Variants in PDK3 observed in about 807,000 individuals in gnomAD.
PDK3 encodes the protein pyruvate dehydrogenase kinase 3.
A neutral mutation model predicts 32.0 loss-of-function variants in PDK3; 12 were observed. The observed-to-expected ratio is 0.37, with a 90% CI of 0.24 to 0.61. PDK3 has a LOEUF of 0.61. PDK3 is among the 20% of genes least tolerant of loss of function. PDK3 has a pLI of 0.65. For missense variants in PDK3, 188 were observed against 316.9 expected (o/e 0.59, Z 3.09); for synonymous variants, 122 against 116.3 (o/e 1.05, Z -0.31).
At chrX:24,519,772 G>A (rs1922349726) in intron 6 of PDK3, among the ~76,000 whole-genome samples, 2 of 112,440 alleles carry the variant, frequency 1.8e-5, no homozygotes, top group East Asian at 2.8e-4. Context: ...TACATTTCTT[G>A]TATAAGCTAA....
chrX:24,542,192 G>A, exon 12 of PDK3, among the ~76,000 whole-genome samples: 1 of 112,082 alleles, frequency 8.9e-6, no homozygotes, highest in African/African-American at 3.2e-5. Flanking sequence ...GCAAGGAAGT[G>A]GAGGGATAGA....
rs1345084814 is a variant in PDK3, at chrX:24,491,581, A to G, written c.107-3161A>G. On this transcript the variant is annotated intron_variant, in intron 1 of 10. Transcript: ENST00000379162. ...CAGACACCAAGGGTAGGGGATTTTC[A>G]CTAAAATGACTCAGCAGGATTTTTG... is the stretch of plus-strand genomic sequence containing the variant. Among the ~76,000 whole-genome samples, 3 of 110,902 alleles carry G rather than the reference A, an allele frequency of 2.7e-5. No homozygotes were observed. The Admixed American group carries it at 2.9e-4, about 11-fold the overall frequency.
chrX:24,514,683 C>A (rs1161422295), intron 5 of PDK3, among the ~76,000 whole-genome samples: 1 of 111,057 alleles, frequency 9.0e-6, no homozygotes. Context: ...ACAGAAATGT[C>A]CTGTTTGAGT....
chrX:24,483,204 A>G (rs1352496007), intron 1 of PDK3, among the ~76,000 whole-genome samples: 1 of 112,325 alleles, frequency 8.9e-6, no homozygotes, highest in Non-Finnish European at 1.9e-5. Flanking sequence ...CCCTTTGATC[A>G]CTGTGATGGC....
At chrX:24,468,854 A>G (rs939355835) in intron 1 of PDK3, among the ~76,000 whole-genome samples, 1 of 111,772 alleles carries the variant, frequency 8.9e-6, no homozygotes, top group Admixed American at 9.5e-5. Flanking sequence ...TTAAAATGAG[A>G]TTTTTCTTTT....
Position 24,503,337 on chromosome X carries a change from G to A in PDK3, c.331G>A (p.Val111Ile). The change falls in exon 4 of 11, where the codon GTT (valine) becomes ATT (isoleucine). Residue 111 changes from valine to isoleucine, a missense_variant. Physicochemically the swap from Val to Ile is conservative, Grantham distance 29 (BLOSUM62 3). Coordinates refer to ENST00000379162, the MANE Select transcript of PDK3 (RefSeq NM_005391.5). ...DPQVLDNFLQ[V>I]LIKVRNRHND... ...TTCCCTCTCACACAGCTTTCTACAA[G>A]TTCTGATTAAAGTCAGAAATAGACA... 4 of 1,200,357 alleles carry A rather than the reference G, an allele frequency of 3.3e-6. No individual in the cohort carries two copies. The highest frequency in any genetic ancestry group is 4.5e-6 in the Non-Finnish European group (4 of 889,259).
At chrX:24,499,692 C>T (rs1007933282) in intron 3 of PDK3, among the ~76,000 whole-genome samples, 3 of 112,002 alleles carry the variant, frequency 2.7e-5, no homozygotes, top group Admixed American at 1.9e-4. Flanking sequence ...TCCTCTCAAT[C>T]CACAGATAAG....
intron 6 of PDK3, among the ~76,000 whole-genome samples, chrX:24,520,126 G>A (rs1922360789): frequency 8.9e-6 from 1 of 111,953 alleles, no homozygotes; most frequent in Non-Finnish European, 1.9e-5. Flanking sequence ...CCGGGAGGCG[G>A]AGGTTGCAGT....
At chrX:24,485,651 A>G (rs982025104) in intron 1 of PDK3, among the ~76,000 whole-genome samples, 15 of 112,191 alleles carry the variant, frequency 1.3e-4, no homozygotes, top group Admixed American at 2.8e-4. Flanking sequence ...GCAGGCAGTT[A>G]TCCCTATCGG....
chrX:24,524,806 T>G (rs1308322776), intron 6 of PDK3, among the ~76,000 whole-genome samples: 2 of 111,831 alleles, frequency 1.8e-5, no homozygotes, highest in Non-Finnish European at 3.8e-5. Flanking sequence ...AGGACTTTTG[T>G]TTTTCTTCTT....
intron 1 of PDK3, among the ~76,000 whole-genome samples, chrX:24,475,919 T>C (rs947396829): frequency 2.7e-5 from 3 of 111,706 alleles, no homozygotes. Context: ...CTGCAGTTAC[T>C]GATCTATTGA....
intron 1 of PDK3, among the ~76,000 whole-genome samples, chrX:24,478,930 C>T (rs1468550667): frequency 3.6e-5 from 4 of 112,160 alleles, no homozygotes; most frequent in Non-Finnish European, 7.5e-5. Context: ...AAGAAATTAT[C>T]ATCTCTCTAA....
intron 3 of PDK3, among the ~76,000 whole-genome samples, chrX:24,502,316 A>G (rs1275196428): frequency 8.9e-6 from 1 of 111,750 alleles, no homozygotes; most frequent in Non-Finnish European, 1.9e-5. Context: ...TAACTTGATT[A>G]TTAGTTTGAT....
downstream of PDK3, among the ~76,000 whole-genome samples, chrX:24,535,517 AAAAAAG>A (rs1467590389): frequency 3.7e-5 from 4 of 107,756 alleles, no homozygotes; most frequent in Admixed American, 1.0e-4. Context: ...AAAAAAAAAA[AAAAAAG>A]AAGAAGAAGA....
chrX:24,487,181 T>C (rs1401025196), intron 1 of PDK3, among the ~76,000 whole-genome samples: 1 of 112,858 alleles, frequency 8.9e-6, no homozygotes, highest in Non-Finnish European at 1.9e-5. Context: ...TCCATTCACA[T>C]GTCAGATTGT....
At chrX:24,550,442 A>G (rs766788390) in exon 12 of PDK3, 1 of 111,973 alleles carries the variant, frequency 8.9e-6, no homozygotes, top group East Asian at 2.8e-4. Flanking sequence ...AATAATCAGA[A>G]CAATAAAATG....
Position 24,531,778 on chromosome X carries a change from GT to G in PDK3, c.1077+12del, listed in dbSNP as rs1922655377. ...GCTGTCATTTATTTGAAGGTACTGCGTTTTATTTGTTAGTATGAGGCATCTT... is the reference window on the plus strand; with the variant it reads ...GCTGTCATTTATTTGAAGGTACTGCGTTTATTTGTTAGTATGAGGCATCTT... On this transcript the variant is annotated intron_variant, in intron 10 of 10. Coordinates refer to ENST00000379162, the MANE Select transcript of PDK3 (RefSeq NM_005391.5). 4 of 993,933 alleles carry G rather than the reference GT, an allele frequency of 4.0e-6. No individual in the cohort carries two copies. Among genetic ancestry groups the G allele is most frequent in the Non-Finnish European group, 5.7e-6 (4 of 703,718 alleles). The allele number at this position is 993,933 out of a possible 1,213,427, so 81.9% of individuals were successfully genotyped here. A position where few individuals can be genotyped will look rare whatever the true frequency, so the allele number is the denominator to read the frequency against.
intron 5 of PDK3, among the ~76,000 whole-genome samples, chrX:24,508,963 C>T (rs1343339139): frequency 9.0e-6 from 1 of 111,479 alleles, no homozygotes; most frequent in African/African-American, 3.3e-5. Flanking sequence ...GTGATCCGCC[C>T]GCCTTGGCCT....
intron 1 of PDK3, among the ~76,000 whole-genome samples, chrX:24,472,671 CTTTCTTTTTTTTTTTT>C (rs1921004241): frequency 3.5e-5 from 2 of 57,949 alleles, no homozygotes; most frequent in Non-Finnish European, 6.6e-5. Context: ...ATATTTCTTT[CTTTCTTTTTTTTTTTT>C]TTTTTTTTTT....
Sources: allele counts gnomAD v4.1 joint callset (sites outside exome capture counted in the v4.1 genomes callset), GRCh38; gene constraint gnomAD v4.1.1; transcripts MANE v1.5; gene names NCBI Gene and HGNC (gene_info 2026-07-23, HGNC 2026-07-21).